The following HMGB1 variants were observed in gnomAD, a reference collection of about 807,000 sequenced individuals.
HMGB1 encodes high mobility group protein B1.
For missense variants in HMGB1, 79 were observed against 253.5 expected (o/e 0.31, Z 4.67); for synonymous variants, 81 against 84.0 (o/e 0.96, Z 0.19).
chr13:30,553,888 T>C, intron 1 of HMGB1: 1 of 1,344,490 alleles, frequency 7.4e-7, no homozygotes, highest in South Asian at 1.2e-5. Flanking sequence ...AATGCCAGCT[T>C]AGTTGACATA....
intron 1 of HMGB1, among the ~76,000 whole-genome samples, chr13:30,565,091 G>A (rs942909719): frequency 6.6e-6 from 1 of 152,206 alleles, no homozygotes; most frequent in Non-Finnish European, 1.5e-5. Flanking sequence ...TCGGGCTCAG[G>A]AAGGTTATGT....
At chr13:30,471,754 C>A (rs181097610) in intron 1 of HMGB1, among the ~76,000 whole-genome samples, 4 of 145,592 alleles carry the variant, frequency 2.7e-5, no homozygotes, top group South Asian at 2.2e-4. Context: ...CTGCAACGTC[C>A]ACCTCCCGGG....
intron 1 of HMGB1, among the ~76,000 whole-genome samples, chr13:30,581,852 GT>G (rs1446621724): frequency 6.6e-6 from 1 of 152,112 alleles, no homozygotes; most frequent in Admixed American, 6.5e-5. Flanking sequence ...TCTATACCTG[GT>G]TCTCCTTGGC....
chr13:30,578,947 C>T (rs959712337), intron 1 of HMGB1, among the ~76,000 whole-genome samples: 1 of 152,226 alleles, frequency 6.6e-6, no homozygotes, highest in Non-Finnish European at 1.5e-5. Context: ...TAGATATCCA[C>T]TGGGGCAATC....
At chr13:30,485,471 T>C (rs927105577) in intron 1 of HMGB1, among the ~76,000 whole-genome samples, 5 of 152,196 alleles carry the variant, frequency 3.3e-5, no homozygotes, top group African/African-American at 9.7e-5. Context: ...GCCACCAAAC[T>C]GTGTGGTGTC....
At chr13:30,522,701 T>C (rs781029454) in intron 1 of HMGB1, among the ~76,000 whole-genome samples, 16 of 151,632 alleles carry the variant, frequency 1.1e-4, no homozygotes, top group Non-Finnish European at 1.3e-4. Flanking sequence ...GGCTCAGTTA[T>C]AGCTTGGGTT....
intron 1 of HMGB1, among the ~76,000 whole-genome samples, chr13:30,608,128 A>C (rs61020792): frequency 0.019 from 2,866 of 152,176 alleles, 93 homozygotes; most frequent in African/African-American, 0.066. Flanking sequence ...GCCAGGTGTC[A>C]TTTTGTGAAG....
At chr13:30,532,109 C>T (rs1466999146) in intron 1 of HMGB1, among the ~76,000 whole-genome samples, 1 of 151,884 alleles carries the variant, frequency 6.6e-6, no homozygotes, top group Non-Finnish European at 1.5e-5. Flanking sequence ...GAGGCCGAGG[C>T]GAGCAGATCA....
intron 1 of HMGB1, among the ~76,000 whole-genome samples, chr13:30,614,999 C>T (rs1950547096): frequency 6.6e-6 from 1 of 151,894 alleles, no homozygotes; most frequent in African/African-American, 2.4e-5. Flanking sequence ...TGTGAGCCAC[C>T]ACGCCCGGCC....
At chr13:30,481,315 A>G (rs866789746) in intron 1 of HMGB1, among the ~76,000 whole-genome samples, 18 of 152,194 alleles carry the variant, frequency 1.2e-4, no homozygotes, top group Admixed American at 2.6e-4. Flanking sequence ...AGCAACAGAA[A>G]AAGAGAATGC....
Position 30,559,666 on chromosome 13 carries a change from G to T in HMGB1, c.-15+57005C>A, listed in dbSNP as rs1158920410. Among the ~76,000 whole-genome samples, 1 of 152,190 alleles carries T rather than the reference G, an allele frequency of 6.6e-6. No homozygotes were observed. Among genetic ancestry groups the T allele is most frequent in the Non-Finnish European group, 1.5e-5 (1 of 68,030 alleles). ...AGATGGACACCTGGAATTCTGGGAA[G>T]TTCTAGCTGCTGCTGCTCAACTAAG... On this transcript the variant is annotated intron_variant, in intron 1 of 4. Coordinates refer to the HMGB1 transcript ENST00000405805. This position sits in a 1 kb window ranked among gnomAD's most constrained non-coding sequence, Gnocchi z 6.6.
intron 1 of HMGB1, among the ~76,000 whole-genome samples, chr13:30,501,382 G>T (rs371596047): frequency 5.9e-5 from 9 of 152,034 alleles, no homozygotes; most frequent in Admixed American, 3.9e-4. Flanking sequence ...ACAAAGTCTT[G>T]CTCTGTTGCC....
chr13:30,462,355 T>A (rs1043932947), intron 4 of HMGB1, 183 bp downstream of exon 4: 1 of 692,868 alleles, frequency 1.4e-6, no homozygotes, highest in African/African-American at 1.7e-5. Context: ...TGAGTCTGAT[T>A]ACATTTTAGT....
intron 1 of HMGB1, among the ~76,000 whole-genome samples, chr13:30,592,209 G>T (rs1262464874): frequency 1.3e-5 from 2 of 151,216 alleles, no homozygotes; most frequent in Non-Finnish European, 1.5e-5. Context: ...TACATTCATG[G>T]ATCTTCTTGA....
In HMGB1 at chr13:30,459,715, A is replaced by T. The variant is rs1436858568; in HGVS notation, c.*1642T>A. ...TTAACCTATTTATAAGCATAAAGTG[A>T]GTATTTTTAAAGGGAAAAACTTTGC... is the stretch of plus-strand genomic sequence containing the variant. On this transcript the variant is annotated 3_prime_UTR_variant, in exon 5 of 5. Transcript: ENST00000341423. The T allele has an allele frequency of 6.6e-6, 1 of 152,190 alleles. No homozygotes were observed. Among genetic ancestry groups the T allele is most frequent in the Non-Finnish European group, 1.5e-5 (1 of 67,990 alleles). 9.4% of individuals were successfully genotyped at this position (152,190 alleles called of 1,614,324 possible).
At chr13:30,604,036 T>C (rs918987949) in intron 1 of HMGB1, among the ~76,000 whole-genome samples, 3 of 151,818 alleles carry the variant, frequency 2.0e-5, no homozygotes, top group African/African-American at 7.3e-5. Context: ...AAACAGAACA[T>C]GTAAAGCGGT....
intron 1 of HMGB1, among the ~76,000 whole-genome samples, chr13:30,610,497 T>C (rs1446081201): frequency 6.6e-6 from 1 of 152,120 alleles, no homozygotes; most frequent in South Asian, 2.1e-4. Flanking sequence ...CATTGTTCTA[T>C]GTCTTACCTC....
At chr13:30,600,565 C>T (rs1271508039) in intron 1 of HMGB1, among the ~76,000 whole-genome samples, 1 of 152,078 alleles carries the variant, frequency 6.6e-6, no homozygotes, top group East Asian at 1.9e-4. Context: ...AAAAATTATT[C>T]TGTATAATAG....
In HMGB1 at chr13:30,559,771, G is replaced by GA. The variant is rs1869868533; in HGVS notation, c.-15+56899dup. ...ACTACTAACAAGGGACTGAGGAGAA[G>GA]AATTTATATTAAAAGGATAAAAATA... On this transcript the variant is annotated intron_variant, in intron 1 of 4. Transcript: ENST00000405805. The surrounding 1 kb of genome is among the most constrained non-coding windows in gnomAD (Gnocchi z 6.6). Among the ~76,000 whole-genome samples, 1 of 151,922 alleles carries GA rather than the reference G, an allele frequency of 6.6e-6. No individual in the cohort carries two copies. Among genetic ancestry groups the GA allele is most frequent in the Non-Finnish European group, 1.5e-5 (1 of 67,986 alleles).
Sources: allele counts gnomAD v4.1 joint callset (sites outside exome capture counted in the v4.1 genomes callset), GRCh38; gene constraint gnomAD v4.1.1; non-coding constraint Gnocchi (gnomAD v3.1); transcripts MANE v1.5; gene names NCBI Gene and HGNC (gene_info 2026-07-23, HGNC 2026-07-21).